The following AKR1B1 variants were observed in gnomAD, a reference collection of about 807,000 sequenced individuals.
AKR1B1 encodes the protein aldo-keto reductase family 1 member B, also known as aldo-keto reductase family 1 member B1.
Under a neutral mutation model 40.4 loss-of-function variants are expected in AKR1B1, and 22 were observed. The ratio of observed to expected loss-of-function variants is 0.54; its 90% CI spans 0.39 to 0.78. The LOEUF (loss-of-function observed/expected upper bound fraction) is 0.78. Among genes scored for constraint, AKR1B1 ranks in the 30% least tolerant of loss-of-function variants. AKR1B1 has a pLI of 0.00. For missense variants in AKR1B1, 357 were observed against 396.7 expected (o/e 0.90, Z 0.85); for synonymous variants, 157 against 149.9 (o/e 1.05, Z -0.35).
At chr7:134,443,907 T>C (rs116921243) in intron 9 of AKR1B1, among the ~76,000 whole-genome samples, 52 of 152,222 alleles carry the variant, frequency 3.4e-4, no homozygotes, top group Non-Finnish European at 6.9e-4. Context: ...GACCTGAGCA[T>C]GTCAGGGCTA....
At chr7:134,445,096 G>T in intron 9 of AKR1B1, 142 bp downstream of exon 9, 1 of 764,192 alleles carries the variant, frequency 1.3e-6, no homozygotes, top group Non-Finnish European at 2.3e-6. Context: ...CAAGTCACGT[G>T]GCTGAGAAAG....
rs373907248 is a variant in AKR1B1 at position 134,449,760 on chromosome 7, T to C, written c.389A>G (p.Asn130Ser). ...AATGTTGGTGTCACTGGGAACCACA[T>C]TGCCCGACTCATCCAATGGGAAAAA... Reference protein sequence around the residue: ...KEFFPLDESGNVVPSDTNILD... With the variant: ...KEFFPLDESGSVVPSDTNILD... Residue 130 changes from asparagine (N) to serine (S), a missense_variant, in exon 4 of 10, where the codon AAT (asparagine) becomes AGT (serine). Transcript: ENST00000285930. 3.6e-5 allele frequency: 58 copies of C among 1,614,090 alleles called. No individual in the cohort carries two copies. Among genetic ancestry groups the C allele is most frequent in the Admixed American group, 6.7e-5 (4 of 60,010 alleles).
At chr7:134,453,156 C>G (rs947464775) in intron 1 of AKR1B1, among the ~76,000 whole-genome samples, 1 of 152,182 alleles carries the variant, frequency 6.6e-6, no homozygotes, top group Admixed American at 6.5e-5. Flanking sequence ...AACTGGGGCC[C>G]AGGCAGGAAA....
chr7:134,455,473 T>C (rs1806440994), intron 1 of AKR1B1, among the ~76,000 whole-genome samples: 1 of 152,148 alleles, frequency 6.6e-6, no homozygotes, highest in Non-Finnish European at 1.5e-5. Flanking sequence ...TCCAACAATT[T>C]TTCAACTAGA....
intron 1 of AKR1B1, among the ~76,000 whole-genome samples, chr7:134,456,304 A>C (rs1407956486): frequency 6.6e-6 from 1 of 151,606 alleles, no homozygotes; most frequent in Non-Finnish European, 1.5e-5. Flanking sequence ...GGTTCAAGCG[A>C]TTTTCCTGCC....
chr7:134,443,332 G>C (rs939434692), intron 9 of AKR1B1, among the ~76,000 whole-genome samples: 1 of 152,082 alleles, frequency 6.6e-6, no homozygotes, highest in Non-Finnish European at 1.5e-5. Flanking sequence ...AGGATCATTT[G>C]AGCCCAGGAG....
Position 134,449,081 on chromosome 7 carries a change from A to G in AKR1B1, c.468T>C (p.Ala156=). ...EELVDEGLVK[A]IGISNFNHLQ... ...GATGGTTGAAGTTGGAGATGCCAAT[A>G]GCTTTCACCAGCCCTTCATCCACCA... is the stretch of plus-strand genomic sequence containing the variant. Residue 156 remains alanine (A), a synonymous_variant, in exon 5 of 10, where the codon GCT becomes GCC. Coordinates refer to ENST00000285930, the MANE Select transcript of AKR1B1 (RefSeq NM_001628.4). 12 of 1,614,066 alleles carry G rather than the reference A, an allele frequency of 7.4e-6. No homozygotes were observed. The highest frequency in any genetic ancestry group is 1.0e-5 in the Non-Finnish European group (12 of 1,180,008).
At chr7:134,459,121 C>T (rs1806594784), upstream of AKR1B1, 8 of 1,555,836 alleles carry the variant, frequency 5.1e-6, no homozygotes, top group Middle Eastern at 1.7e-4. Context: ...GCGGCGCGTA[C>T]CTTTAAATAG....
intron 7 of AKR1B1, 183 bp downstream of exon 7, chr7:134,447,797 T>A: frequency 2.8e-6 from 2 of 702,056 alleles, no homozygotes; most frequent in Non-Finnish European, 5.2e-6. Context: ...ACTATTAATC[T>A]AAGAGCCCAT....
chr7:134,446,157 T>C (rs1301506108), intron 8 of AKR1B1, among the ~76,000 whole-genome samples: 1 of 152,270 alleles, frequency 6.6e-6, no homozygotes, highest in Non-Finnish European at 1.5e-5. Context: ...TTTTCTTTCC[T>C]AATTCCTTAA....
intron 1 of AKR1B1, among the ~76,000 whole-genome samples, chr7:134,458,579 C>G (rs1562912401): frequency 2.6e-5 from 4 of 152,164 alleles, no homozygotes; most frequent in African/African-American, 4.8e-5. Context: ...CGCTCCCACA[C>G]CTTGCCGACG....
rs1467939858 is a variant in AKR1B1, at chr7:134,448,403, A to C, written c.643T>G (p.Ser215Ala). ...IVVTAYSPLGSPDRPWAKPED... is the reference protein window; with the variant it reads ...IVVTAYSPLGAPDRPWAKPED... ...GAAGCTCACCAGGGCCTGTCAGGAG[A>C]GCCGAGGGGGCTGTAGGCGGTCACC... Residue 215 changes from serine to alanine, a missense_variant, in exon 6 of 10, where the codon TCT (serine) becomes GCT (alanine). Physicochemically the swap from Ser to Ala is moderately conservative, Grantham distance 99 (BLOSUM62 1). Transcript: ENST00000285930. The C allele has an allele frequency of 6.2e-7, 1 of 1,613,654 alleles. No homozygotes were observed. Among genetic ancestry groups the C allele is most frequent in the Non-Finnish European group, 8.5e-7 (1 of 1,179,758 alleles).
In AKR1B1 at chr7:134,447,588, T is replaced by C. The variant is rs914488756; in HGVS notation, c.742-207A>G. The C allele has an allele frequency of 4.6e-6, 3 of 653,338 alleles. No individual in the cohort carries two copies. The African/African-American group carries it at 5.3e-5, about 12-fold the overall frequency. The allele number at this position is 653,338 out of a possible 1,614,324, so 40.5% of individuals were successfully genotyped here. A position where few individuals can be genotyped will look rare whatever the true frequency, so the allele number is the denominator to read the frequency against. On this transcript the variant is annotated intron_variant, in intron 7 of 9. Coordinates refer to ENST00000285930, the MANE Select transcript of AKR1B1 (RefSeq NM_001628.4). The stretch of plus-strand genomic sequence containing the variant: ...GACTCCAGAGTCCTGCGCTAGCCAC[T>C]GTGCCACACGCTTCAGTGTCTCAGG...
chr7:134,450,829 T>C lies in AKR1B1; in HGVS notation c.308A>G (p.Asp103Gly). 1 of 1,614,184 alleles carries C rather than the reference T, an allele frequency of 6.2e-7. No homozygotes were observed. The highest frequency in any genetic ancestry group is 8.5e-7 in the Non-Finnish European group (1 of 1,180,034). Residue 103 changes from aspartate (D) to glycine (G), a missense_variant, in exon 3 of 10, where the codon GAC becomes GGC. By Grantham distance (94) the Asp-to-Gly change is moderately conservative (BLOSUM62 -1). Coordinates refer to ENST00000285930, the MANE Select transcript of AKR1B1 (RefSeq NM_001628.4). ...CQKTLSDLKL[D>G]YLDLYLIHWP... The stretch of plus-strand genomic sequence containing the variant: ...GTGAATAAGGTAGAGGTCCAGGTAG[T>C]CCAGCTTCAGGTCGCTGAGTGTCTT...
rs2852168 is a variant in AKR1B1, at chr7:134,449,460, A to G, written c.429+260T>C. On this transcript the variant is annotated intron_variant, in intron 4 of 9. Transcript: ENST00000285930. The stretch of plus-strand genomic sequence containing the variant: ...AAATTAGCCGGGCGTGGTGGCGGGC[A>G]CCTGTAGTCCCAGCTACTCAGGAGG... 4.7e-4 allele frequency: 266 copies of G among 571,396 alleles called. 2 individuals are homozygous for G. The highest frequency in any genetic ancestry group is 2.6e-3 in the African/African-American group (139 of 53,144). 35.4% of individuals were successfully genotyped at this position (571,396 alleles called of 1,614,324 possible). A position where few individuals can be genotyped will look rare whatever the true frequency, so the allele number is the denominator to read the frequency against.
chr7:134,456,361 G>C (rs1806472635), intron 1 of AKR1B1, among the ~76,000 whole-genome samples: 2 of 151,862 alleles, frequency 1.3e-5, no homozygotes, highest in African/African-American at 4.8e-5. Context: ...CACGATGCCG[G>C]GCTAATTTTT....
At chr7:134,454,524 T>C (rs1029727154) in intron 1 of AKR1B1, among the ~76,000 whole-genome samples, 10 of 152,112 alleles carry the variant, frequency 6.6e-5, no homozygotes, top group Non-Finnish European at 2.9e-5. Flanking sequence ...CCTCTGCAAG[T>C]CAAAAAGCAA....
intron 7 of AKR1B1, chr7:134,447,614 C>A (rs906432473): frequency 3.1e-6 from 2 of 636,268 alleles, no homozygotes; most frequent in Admixed American, 2.3e-5. Context: ...GTGTCTCAGG[C>A]ATATCATGAG....
chr7:134,459,155 G>T (rs1256462393), upstream of AKR1B1: 8 of 1,454,964 alleles, frequency 5.5e-6, no homozygotes, highest in Non-Finnish European at 7.5e-6. Flanking sequence ...CAGAAAGGGC[G>T]CCTGCGGTTG....
Sources: gnomAD v4.1 joint callset for allele counts (sites outside exome capture counted in the v4.1 genomes callset) on GRCh38, gnomAD v4.1.1 for gene constraint, MANE v1.5 for transcripts, NCBI Gene and HGNC (gene_info 2026-07-23, HGNC 2026-07-21) for gene names.